Variants in PTPRK observed in about 807,000 individuals in gnomAD.
The protein encoded by PTPRK is protein tyrosine phosphatase receptor type K.
In PTPRK, 75 loss-of-function variants were observed where a neutral mutation model predicts 178.0. That is an observed-to-expected ratio of 0.42 (90% CI 0.35 to 0.51). The LOEUF (loss-of-function observed/expected upper bound fraction) is 0.51. PTPRK is among the 20% of genes least tolerant of loss of function. The pLI is 0.02. For missense variants in PTPRK, 1,441 were observed against 1,797.8 expected, an observed-to-expected ratio of 0.80 and a Z score of 3.59; for synonymous variants, 637 against 620.6, an observed-to-expected ratio of 1.03 and a Z score of -0.39.
chr6:128,390,109 A>T (rs1282582511), intron 2 of PTPRK, among the ~76,000 whole-genome samples: 1 of 152,138 alleles, frequency 6.6e-6, no homozygotes, highest in East Asian at 1.9e-4. Flanking sequence ...GGAAGAGCAC[A>T]TTGAAATAAG....
At chr6:128,044,299 C>T (rs1337687197) in intron 13 of PTPRK, among the ~76,000 whole-genome samples, 1 of 152,040 alleles carries the variant, frequency 6.6e-6, no homozygotes, top group Non-Finnish European at 1.5e-5. Flanking sequence ...ATATCTGTAT[C>T]TAAAAGTATT....
intron 2 of PTPRK, among the ~76,000 whole-genome samples, chr6:128,385,593 C>A (rs1182148481): frequency 6.6e-6 from 1 of 152,080 alleles, no homozygotes; most frequent in Admixed American, 6.6e-5. Context: ...AAGTCTTATA[C>A]CCTGATGGAG....
At chr6:127,980,507 A>G (rs1043716831) in intron 25 of PTPRK, among the ~76,000 whole-genome samples, 1 of 151,870 alleles carries the variant, frequency 6.6e-6, no homozygotes, top group Non-Finnish European at 1.5e-5. Flanking sequence ...AAAAAAACCA[A>G]AAACTAAAAC....
chr6:128,298,500 A>T (rs1271402368), intron 3 of PTPRK, among the ~76,000 whole-genome samples: 1 of 151,964 alleles, frequency 6.6e-6, no homozygotes, highest in Non-Finnish European at 1.5e-5. Context: ...ATCCAGCAGC[A>T]CATCAAAAAG....
intron 2 of PTPRK, among the ~76,000 whole-genome samples, chr6:128,357,121 A>C (rs1834065433): frequency 6.6e-6 from 1 of 152,200 alleles, no homozygotes; most frequent in Admixed American, 6.5e-5. Context: ...GAGACAGAGC[A>C]CAGGGATCCA....
At chr6:128,348,343 T>C (rs181023566) in intron 2 of PTPRK, among the ~76,000 whole-genome samples, 54 of 152,094 alleles carry the variant, frequency 3.6e-4, no homozygotes, top group Non-Finnish European at 3.2e-4. Flanking sequence ...TAGATGAAGT[T>C]TTGAACTCAG....
chr6:128,182,462 T>C (rs2114689594), intron 7 of PTPRK, among the ~76,000 whole-genome samples: 1 of 152,172 alleles, frequency 6.6e-6, no homozygotes, highest in South Asian at 2.1e-4. Flanking sequence ...TAATCCCAGC[T>C]ACTCGGGAAG....
chr6:128,421,226 A>C (rs982280311), intron 1 of PTPRK, among the ~76,000 whole-genome samples: 1 of 152,200 alleles, frequency 6.6e-6, no homozygotes, highest in African/African-American at 2.4e-5. Flanking sequence ...TAAAGCAATA[A>C]AGTTTTAGGG....
At chr6:128,161,742 T>G (rs926457230) in intron 7 of PTPRK, among the ~76,000 whole-genome samples, 1 of 151,662 alleles carries the variant, frequency 6.6e-6, no homozygotes, top group Non-Finnish European at 1.5e-5. Flanking sequence ...TTTCAAGAAG[T>G]ACACTGTACT....
chr6:128,410,897 T>A (rs1322653176), intron 1 of PTPRK, among the ~76,000 whole-genome samples: 1 of 152,178 alleles, frequency 6.6e-6, no homozygotes, highest in African/African-American at 2.4e-5. Flanking sequence ...TTTGTTTGTT[T>A]ATTTTCTTTT....
intron 26 of PTPRK, 29 bp from the exon 27 acceptor site, chr6:127,976,811 A>C: frequency 6.2e-7 from 1 of 1,610,572 alleles, no homozygotes; most frequent in Non-Finnish European, 8.5e-7. Flanking sequence ...GAAAGAAAAA[A>C]AAAAAGAGTA....
intron 2 of PTPRK, among the ~76,000 whole-genome samples, chr6:128,377,593 C>T (rs550931488): frequency 6.6e-6 from 1 of 151,888 alleles, no homozygotes; most frequent in East Asian, 1.9e-4. Flanking sequence ...ACTGGAACTG[C>T]CTAAATTTTC....
At chr6:128,239,334 G>GCTCTCAGCTC (rs1276555951) in intron 5 of PTPRK, among the ~76,000 whole-genome samples, 1 of 152,120 alleles carries the variant, frequency 6.6e-6, no homozygotes, top group Non-Finnish European at 1.5e-5. Flanking sequence ...CTTTAGAGCT[G>GCTCTCAGCTC]CTCTCAGCTC....
intron 2 of PTPRK, among the ~76,000 whole-genome samples, chr6:128,374,243 G>T (rs939821953): frequency 1.3e-5 from 2 of 151,996 alleles, no homozygotes; most frequent in Non-Finnish European, 2.9e-5. Context: ...CTAAACACTG[G>T]AGTAATGCAT....
rs536186611 is a variant in PTPRK at position 128,470,323 on chromosome 6, T to G, written c.100+49936A>C. On this transcript the variant is annotated intron_variant, in intron 1 of 29. Transcript: ENST00000368226. ...AGGTTTTCTAGAGTTCTCAAGTGTT[T>G]TTGTGTCCTGAATGCTAATTATGAA... Among the ~76,000 whole-genome samples, 3 of 152,088 alleles carry G rather than the reference T, an allele frequency of 2.0e-5. No individual in the cohort carries two copies. The East Asian group carries it at 5.8e-4, about 29-fold the overall frequency.
chr6:128,144,841 T>C (rs1796252062), intron 7 of PTPRK, among the ~76,000 whole-genome samples: 2 of 152,192 alleles, frequency 1.3e-5, no homozygotes, highest in Admixed American at 1.3e-4. Context: ...CACAGGTTTC[T>C]GGAGAACTGC....
intron 7 of PTPRK, among the ~76,000 whole-genome samples, chr6:128,154,414 C>T (rs1272314548): frequency 1.3e-5 from 2 of 151,646 alleles, no homozygotes; most frequent in African/African-American, 2.4e-5. Flanking sequence ...AAAATGATCT[C>T]GCTGACTTTA....
At chr6:128,157,875 A>G (rs962060211) in intron 7 of PTPRK, among the ~76,000 whole-genome samples, 3 of 152,032 alleles carry the variant, frequency 2.0e-5, no homozygotes, top group Admixed American at 6.6e-5. Context: ...ATTTTCTCCC[A>G]TTCTGTGGGT....
intron 1 of PTPRK, among the ~76,000 whole-genome samples, chr6:128,496,630 T>C (rs1854701937): frequency 1.3e-5 from 2 of 152,218 alleles, no homozygotes; most frequent in South Asian, 2.1e-4. Flanking sequence ...TTTGAAATCA[T>C]ATAATTTCTT....
Sources: allele counts gnomAD v4.1 joint callset (sites outside exome capture counted in the v4.1 genomes callset), GRCh38; gene constraint gnomAD v4.1.1; transcripts MANE v1.5; gene names NCBI Gene and HGNC (gene_info 2026-07-23, HGNC 2026-07-21).